Variants in CDK14 observed in about 807,000 individuals in gnomAD.
The protein encoded by CDK14 is cyclin-dependent kinase 14.
CDK14 carries 34 observed loss-of-function variants against 60.7 expected under a neutral mutation model. That is an observed-to-expected ratio of 0.56 (90% CI 0.43 to 0.75). The LOEUF (loss-of-function observed/expected upper bound fraction) is 0.75, where lower values mean the gene tolerates loss of function less well. Among genes scored for constraint, CDK14 ranks in the 30% least tolerant of loss-of-function variants. The pLI is 0.00. For missense variants in CDK14, 482 were observed against 564.1 expected, an observed-to-expected ratio of 0.85 and a Z score of 1.47; for synonymous variants, 197 against 203.7, an observed-to-expected ratio of 0.97 and a Z score of 0.28.
chr7:90,676,884 A>C (rs1801211152), intron 2 of CDK14, among the ~76,000 whole-genome samples: 1 of 152,078 alleles, frequency 6.6e-6, no homozygotes, highest in Non-Finnish European at 1.5e-5. Flanking sequence ...GCAGGGCAAC[A>C]GCTAAAGCCA....
At chr7:90,835,451 A>T (rs1790063107) in intron 5 of CDK14, among the ~76,000 whole-genome samples, 2 of 152,156 alleles carry the variant, frequency 1.3e-5, no homozygotes, top group Admixed American at 6.6e-5. Context: ...GAGATGGTTG[A>T]GTTTGCCCTT....
chr7:90,862,921 T>C (rs1168762789), intron 5 of CDK14, among the ~76,000 whole-genome samples: 1 of 152,210 alleles, frequency 6.6e-6, no homozygotes, highest in Non-Finnish European at 1.5e-5. Flanking sequence ...GTTATACACC[T>C]GTAATCCCAG....
Position 90,937,644 on chromosome 7 carries a change from GAGCTAGATAATAAATAT to G in CDK14, c.827-18052_827-18036del, listed in dbSNP as rs1191307415. Among the ~76,000 whole-genome samples, 5 of 152,194 alleles carry G rather than the reference GAGCTAGATAATAAATAT, an allele frequency of 3.3e-5. No individual in the cohort carries two copies. In the East Asian group the frequency reaches 9.6e-4, roughly 29 times the overall value. On this transcript the variant is annotated intron_variant, in intron 8 of 14. Transcript: ENST00000380050. ...GAGGTTGGTAAACTTTTTCTGTAAA[GAGCTAGATAATAAATAT>G]TTTTGCCCATGAAGTCTCTGTTGCA...
At chr7:90,619,035 A>G (rs950477538) in intron 2 of CDK14, among the ~76,000 whole-genome samples, 1 of 152,142 alleles carries the variant, frequency 6.6e-6, no homozygotes, top group African/African-American at 2.4e-5. Flanking sequence ...AGCCCTTCCC[A>G]CTGTTTGTTT....
At chr7:91,057,714 G>A (rs971909415) in intron 11 of CDK14, among the ~76,000 whole-genome samples, 31 of 152,234 alleles carry the variant, frequency 2.0e-4, no homozygotes, top group Non-Finnish European at 1.8e-4. Flanking sequence ...TCAGATAGTT[G>A]TAGATATGCG....
chr7:91,124,915 T>C (rs993286248), intron 14 of CDK14, among the ~76,000 whole-genome samples: 1 of 152,178 alleles, frequency 6.6e-6, no homozygotes, highest in Non-Finnish European at 1.5e-5. Context: ...GAATTTGGGA[T>C]ACAGAAGGAA....
At chr7:90,843,584 C>A (rs1366281403) in intron 5 of CDK14, among the ~76,000 whole-genome samples, 2 of 152,160 alleles carry the variant, frequency 1.3e-5, no homozygotes, top group African/African-American at 4.8e-5. Flanking sequence ...TTGATCTAGT[C>A]TCCTTAGTGC....
At chr7:91,108,488 T>C (rs1431444735) in intron 12 of CDK14, among the ~76,000 whole-genome samples, 2 of 152,212 alleles carry the variant, frequency 1.3e-5, no homozygotes, top group East Asian at 1.9e-4. Flanking sequence ...CCCAGCATAA[T>C]ACTTGTATGT....
intron 5 of CDK14, among the ~76,000 whole-genome samples, chr7:90,835,729 G>T (rs1447805384): frequency 2.0e-5 from 3 of 152,092 alleles, no homozygotes; most frequent in African/African-American, 7.2e-5. Context: ...TATATATTAA[G>T]TCCTGCATCA....
chr7:90,813,036 A>C (rs1454216835), intron 5 of CDK14, among the ~76,000 whole-genome samples: 1 of 152,228 alleles, frequency 6.6e-6, no homozygotes, highest in East Asian at 1.9e-4. Flanking sequence ...TCAACTGTTG[A>C]GTTGATAAAT....
intron 2 of CDK14, among the ~76,000 whole-genome samples, chr7:90,656,640 A>G (rs1310474887): frequency 5.3e-5 from 8 of 152,052 alleles, no homozygotes; most frequent in Admixed American, 5.2e-4. Context: ...GGCCTCCCAA[A>G]GTGCTAGGAT....
At chr7:90,889,488 G>A (rs1792049312) in intron 6 of CDK14, among the ~76,000 whole-genome samples, 1 of 152,154 alleles carries the variant, frequency 6.6e-6, no homozygotes, top group Non-Finnish European at 1.5e-5. Flanking sequence ...AAATCATTTA[G>A]ACAGAATTAT....
At position 91,152,129 on chromosome 7, in the gene CDK14, G is replaced by A. The variant is rs1361179544; in HGVS notation, c.*28+33921G>A. 6.6e-5 allele frequency among the ~76,000 whole-genome samples: 10 copies of A among 152,252 alleles called. No homozygotes were observed. The South Asian group carries it at 8.3e-4, about 13-fold the overall frequency. ...AAAATTATAGCTCCCCACATAGACC[G>A]CTTATTCATAGTGTTGTGTCTTGTG... On this transcript the variant is annotated intron_variant, in intron 14 of 14. Transcript: ENST00000380050.
intron 12 of CDK14, among the ~76,000 whole-genome samples, chr7:91,105,684 A>C (rs1287032613): frequency 6.6e-6 from 1 of 152,200 alleles, no homozygotes; most frequent in Non-Finnish European, 1.5e-5. Context: ...GCATATGAGG[A>C]AAAAGTTATT....
At chr7:90,934,932 A>G (rs1473402952) in intron 8 of CDK14, among the ~76,000 whole-genome samples, 1 of 152,226 alleles carries the variant, frequency 6.6e-6, no homozygotes, top group Non-Finnish European at 1.5e-5. Flanking sequence ...TATTGTCTTC[A>G]TGTATTGTCT....
intron 7 of CDK14, among the ~76,000 whole-genome samples, chr7:90,914,642 G>C (rs113861437): frequency 2.0e-5 from 3 of 152,202 alleles, no homozygotes; most frequent in African/African-American, 7.2e-5. Context: ...GTGTATAGTG[G>C]CATTTTTTTC....
intron 3 of CDK14, among the ~76,000 whole-genome samples, chr7:90,728,509 T>C (rs1313571650): frequency 1.3e-5 from 2 of 152,124 alleles, no homozygotes; most frequent in African/African-American, 4.8e-5. Flanking sequence ...TCTTATTCTT[T>C]GAATGCTCTT....
At position 90,917,647 on chromosome 7, in the gene CDK14, G is replaced by T. The variant is rs769024611; in HGVS notation, c.749G>T (p.Arg250Leu). Residue 250 changes from arginine (R) to leucine (L), a missense_variant, in exon 8 of 15, where the codon CGT becomes CTT. Physicochemically the swap from Arg to Leu is moderately radical, Grantham distance 102. Transcript: ENST00000380050. ...CGAGGTCTGTCTTACATCCACCAGC[G>T]TTATATTTTGCACAGAGACCTGAAA... ...LLRGLSYIHQRYILHRDLKPQ... is the reference protein window; with the variant it reads ...LLRGLSYIHQLYILHRDLKPQ... The T allele has an allele frequency of 6.2e-7, 1 of 1,613,432 alleles. No individual in the cohort carries two copies. Among genetic ancestry groups the T allele is most frequent in the African/African-American group, 1.3e-5 (1 of 74,876 alleles).
chr7:90,946,804 C>A (rs1562840227), intron 8 of CDK14, among the ~76,000 whole-genome samples: 1 of 152,100 alleles, frequency 6.6e-6, no homozygotes. Flanking sequence ...AACAAACAAA[C>A]AAAAAACTGT....
Sources: allele counts gnomAD v4.1 joint callset (sites outside exome capture counted in the v4.1 genomes callset), GRCh38; gene constraint gnomAD v4.1.1; transcripts MANE v1.5; gene names NCBI Gene and HGNC (gene_info 2026-07-23, HGNC 2026-07-21).